Variants in EXT1 observed in about 807,000 individuals in gnomAD.
EXT1 encodes the protein exostosin glycosyltransferase 1.
EXT1 carries 20 observed loss-of-function variants against 82.5 expected under a neutral mutation model. That is an observed-to-expected ratio of 0.24 (90% confidence interval 0.17 to 0.35). The LOEUF is 0.35. EXT1 is among the 10% of genes least tolerant of loss of function. The probability of loss-of-function intolerance (pLI) is 1.00; values close to 1 mark genes in which losing one functional copy is unlikely to be tolerated. For synonymous variants in EXT1, 348 were observed against 350.8 expected (o/e 0.99, Z 0.09); for missense variants, 757 against 936.5 (o/e 0.81, Z 2.50).
At chr8:117,944,008 A>C (rs1395828206) in intron 1 of EXT1, among the ~76,000 whole-genome samples, 1 of 152,186 alleles carries the variant, frequency 6.6e-6, no homozygotes, top group Admixed American at 6.5e-5. Flanking sequence ...CCTTTCTCAG[A>C]AACTCTCATT....
chr8:117,812,830 C>T, intron 8 of EXT1, 42 bp downstream of exon 8: 1 of 1,552,596 alleles, frequency 6.4e-7, no homozygotes, highest in Non-Finnish European at 8.9e-7. Flanking sequence ...GAGGTGACTG[C>T]CTGAACAGCC....
At position 117,862,869 on chromosome 8, in the gene EXT1, G is replaced by A. The variant is rs929069106; in HGVS notation, c.963-25668C>T. Reference sequence around the variant, plus strand: ...CAGAGGAGAAGCCAGCTCCCTAAAGGGAGCTGTGGGAAGAATAATTCGGGA... The same window carrying A: ...CAGAGGAGAAGCCAGCTCCCTAAAGAGAGCTGTGGGAAGAATAATTCGGGA... On this transcript the variant is annotated intron_variant, in intron 1 of 10. Coordinates refer to ENST00000378204, the MANE Select transcript of EXT1 (RefSeq NM_000127.3). Among the ~76,000 whole-genome samples the A allele has an allele frequency of 6.9e-5, 10 of 144,568 alleles. 1 individual carries two copies. Among genetic ancestry groups the A allele is most frequent in the East Asian group, 3.9e-4 (2 of 5,134 alleles). The allele number at this position is 144,568 out of a possible 152,430, so 94.8% of individuals were successfully genotyped here. A position where few individuals can be genotyped will look rare whatever the true frequency, so the allele number is the denominator to read the frequency against.
intron 7 of EXT1, among the ~76,000 whole-genome samples, chr8:117,815,967 G>C (rs1051672669): frequency 2.0e-5 from 3 of 150,634 alleles, no homozygotes; most frequent in African/African-American, 7.3e-5. Context: ...AACATGCCTA[G>C]GAAATGACCA....
chr8:118,097,919 T>C (rs1488662308), intron 1 of EXT1, among the ~76,000 whole-genome samples: 1 of 152,134 alleles, frequency 6.6e-6, no homozygotes, highest in Admixed American at 6.5e-5. Context: ...GAATTTGGCC[T>C]TGTCTGAGGC....
At chr8:118,076,227 C>T (rs1467776980) in intron 1 of EXT1, among the ~76,000 whole-genome samples, 2 of 152,138 alleles carry the variant, frequency 1.3e-5, no homozygotes, top group Non-Finnish European at 2.9e-5. Context: ...GTATCAACAC[C>T]GATAAGGTTT....
intron 1 of EXT1, among the ~76,000 whole-genome samples, chr8:118,057,183 A>G (rs1816807150): frequency 6.6e-6 from 1 of 152,292 alleles, no homozygotes; most frequent in Non-Finnish European, 1.5e-5. Context: ...TTAATTCGTG[A>G]ATGTTCAACT....
intron 7 of EXT1, among the ~76,000 whole-genome samples, chr8:117,817,279 T>C (rs548500365): frequency 3.9e-5 from 6 of 152,256 alleles, no homozygotes; most frequent in East Asian, 1.9e-4. Context: ...ACAGTTACAA[T>C]TGCATTATGT....
rs1474883802 is a variant in EXT1, at chr8:118,110,995, CGAG to C, written c.49_51del (p.Leu17del). On this transcript the variant is annotated inframe_deletion, in exon 1 of 11. Transcript: ENST00000378204. ...AAGCCTCCGAAATAAAACAAAAGGG[CGAG>C]ACAAGAGCCAGCTGAGAGCAGGATG... 2 of 1,607,224 alleles carry C rather than the reference CGAG, an allele frequency of 1.2e-6. 1 individual carries two copies. The highest frequency in any genetic ancestry group is 2.7e-5 in the African/African-American group (2 of 74,878).
At chr8:117,909,042 G>T (rs1214192427) in intron 1 of EXT1, among the ~76,000 whole-genome samples, 1 of 151,926 alleles carries the variant, frequency 6.6e-6, no homozygotes, top group Non-Finnish European at 1.5e-5. Flanking sequence ...TGAGGCAGGA[G>T]AATTGCTTGA....
chr8:117,831,069 A>G (rs1223699033), intron 3 of EXT1, among the ~76,000 whole-genome samples: 1 of 152,222 alleles, frequency 6.6e-6, no homozygotes, highest in Admixed American at 6.5e-5. Flanking sequence ...TATAGTAGTT[A>G]TTAAGAAATA....
chr8:118,020,891 T>G (rs1810592230), intron 1 of EXT1, among the ~76,000 whole-genome samples: 1 of 152,046 alleles, frequency 6.6e-6, no homozygotes, highest in Non-Finnish European at 1.5e-5. Flanking sequence ...ACAAAACACA[T>G]AAAAAGTACT....
chr8:118,083,588 T>A (rs182466560), intron 1 of EXT1, among the ~76,000 whole-genome samples: 16 of 152,252 alleles, frequency 1.1e-4, no homozygotes, highest in African/African-American at 3.9e-4. Context: ...CTAATCTAGT[T>A]TAATAGGCTC....
intron 8 of EXT1, among the ~76,000 whole-genome samples, chr8:117,808,882 T>G (rs1346518794): frequency 6.6e-6 from 1 of 152,104 alleles, no homozygotes. Context: ...CAATATCCAG[T>G]CAGTTCAGGG....
At chr8:117,908,687 C>T (rs963596088) in intron 1 of EXT1, among the ~76,000 whole-genome samples, 1 of 151,942 alleles carries the variant, frequency 6.6e-6, no homozygotes, top group African/African-American at 2.4e-5. Flanking sequence ...CACACACACA[C>T]AAAACAACTT....
chr8:118,034,125 G>C lies in EXT1; in HGVS notation c.962+75960C>G, dbSNP rs1586354850. ...TAGCATATTGTATCCACAATGTATT[G>C]GGTTCCTCTTCTAAACAGTACATTT... On this transcript the variant is annotated intron_variant, in intron 1 of 10. Coordinates refer to ENST00000378204, the MANE Select transcript of EXT1 (RefSeq NM_000127.3). Among the ~76,000 whole-genome samples, 3 of 152,016 alleles carry C rather than the reference G, an allele frequency of 2.0e-5. No individual in the cohort carries two copies. The South Asian group carries it at 6.2e-4, about 32-fold the overall frequency.
intron 1 of EXT1, among the ~76,000 whole-genome samples, chr8:117,963,134 T>G (rs1457418047): frequency 6.6e-6 from 1 of 152,144 alleles, no homozygotes; most frequent in African/African-American, 2.4e-5. Context: ...ACAGGCTGTA[T>G]AGGGGATTGA....
intron 1 of EXT1, among the ~76,000 whole-genome samples, chr8:117,920,504 C>A (rs1159929339): frequency 6.6e-6 from 1 of 152,174 alleles, no homozygotes; most frequent in African/African-American, 2.4e-5. Flanking sequence ...TCTTTCCCTG[C>A]ATTATCTCCT....
chr8:117,810,531 G>A (rs1823302447), intron 8 of EXT1, among the ~76,000 whole-genome samples: 2 of 152,188 alleles, frequency 1.3e-5, no homozygotes, highest in South Asian at 4.1e-4. Flanking sequence ...ACCAGCATGA[G>A]GATGCATCAC....
chr8:117,973,581 C>A (rs767338727), intron 1 of EXT1, among the ~76,000 whole-genome samples: 13 of 151,848 alleles, frequency 8.6e-5, no homozygotes, highest in Non-Finnish European at 1.8e-4. Context: ...TCAGTCTGGG[C>A]AACATAATGA....
Sources: gnomAD v4.1 joint callset for allele counts (sites outside exome capture counted in the v4.1 genomes callset) on GRCh38, gnomAD v4.1.1 for gene constraint, MANE v1.5 for transcripts, NCBI Gene and HGNC (gene_info 2026-07-23, HGNC 2026-07-21) for gene names.